Variants in ENO4 observed in about 807,000 individuals in gnomAD.
The protein encoded by ENO4 is enolase 4.
Under a neutral mutation model 63.2 loss-of-function variants are expected in ENO4, and 53 were observed. The observed-to-expected ratio is 0.84, with a 90% CI of 0.67 to 1.05. The LOEUF (loss-of-function observed/expected upper bound fraction) is 1.05, where lower values mean the gene tolerates loss of function less well. Among genes scored for constraint, ENO4 ranks in the 50% least tolerant of loss-of-function variants. The pLI is 0.00. For synonymous variants in ENO4, 266 were observed against 283.8 expected, an observed-to-expected ratio of 0.94 and a Z score of 0.63; for missense variants, 719 against 772.0, an observed-to-expected ratio of 0.93 and a Z score of 0.81.
intron 5 of ENO4, 46 bp from the exon 6 acceptor site, chr10:116,861,013 G>C: frequency 6.5e-7 from 1 of 1,529,140 alleles, no homozygotes; most frequent in Non-Finnish European, 8.8e-7. Flanking sequence ...ATCTCAATAT[G>C]GATGAACCCT....
Position 116,871,207 on chromosome 10 carries a change from A to C in ENO4, c.1130A>C (p.Gln377Pro), listed in dbSNP as rs538446997. ...DSIEQPLLLI[Q>P]EICANLGLEL... is the part of the protein sequence containing the mutation. ...ATAGAACAGCCACTGCTTCTAATACAGGAAATCTGTGCCAACCTGGGGCTA... is the reference window on the plus strand; with the variant it reads ...ATAGAACAGCCACTGCTTCTAATACCGGAAATCTGTGCCAACCTGGGGCTA... Residue 377 changes from glutamine to proline, a missense_variant, in exon 9 of 14, where the codon CAG becomes CCG. By Grantham distance (76) the Gln-to-Pro change is moderately conservative. This residue lies in a region of ENO4 where 544 missense variants were observed against 583.6 expected (regional missense o/e 0.93). Transcript: ENST00000341276. 3 of 1,550,544 alleles carry C rather than the reference A, an allele frequency of 1.9e-6. No individual in the cohort carries two copies. The highest frequency in any genetic ancestry group is 2.7e-5 in the African/African-American group (2 of 73,164).
intron 10 of ENO4, among the ~76,000 whole-genome samples, chr10:116,904,899 G>C (rs933831188): frequency 6.6e-6 from 1 of 152,168 alleles, no homozygotes; most frequent in Non-Finnish European, 1.5e-5. Context: ...CATCAACAAA[G>C]TCCTTAAAAA....
downstream of ENO4, chr10:116,886,499 C>T: frequency 6.2e-7 from 1 of 1,614,150 alleles, no homozygotes; most frequent in Non-Finnish European, 8.5e-7. Flanking sequence ...GGATCTAAAA[C>T]TACAACTGGT....
intron 1 of ENO4, among the ~76,000 whole-genome samples, chr10:116,851,664 C>T (rs777769192): frequency 1.8e-4 from 27 of 152,170 alleles, no homozygotes; most frequent in Non-Finnish European, 3.2e-4. Context: ...TCCTCAGAAC[C>T]TCCTGTGGCT....
chr10:116,886,751 T>C (rs1022814739), downstream of ENO4, among the ~76,000 whole-genome samples: 6 of 152,174 alleles, frequency 3.9e-5, no homozygotes, highest in African/African-American at 1.4e-4. Context: ...ACACAGCTGA[T>C]ACTAGGAGCA....
chr10:116,880,872 AG>A, intron 13 of ENO4, among the ~76,000 whole-genome samples: 1 of 152,302 alleles, frequency 6.6e-6, no homozygotes, highest in South Asian at 2.1e-4. Flanking sequence ...CGTTACCACG[AG>A]GGAAACAGCT....
In ENO4 at chr10:116,861,189, A is replaced by T; in HGVS notation, c.935A>T (p.Gln312Leu). The T allele has an allele frequency of 2.8e-6, 4 of 1,413,246 alleles. No individual in the cohort carries two copies. The highest frequency in any genetic ancestry group is 3.8e-6 in the Non-Finnish European group (4 of 1,065,532). 87.5% of individuals were successfully genotyped at this position (1,413,246 alleles called of 1,614,324 possible). The change falls in exon 6 of 14, where the codon CAA (glutamine) becomes CTA (leucine). Residue 312 changes from glutamine to leucine, a missense_variant and splice_region_variant. Coordinates refer to ENST00000341276, the MANE Select transcript of ENO4 (RefSeq NM_001242699.2). The stretch of plus-strand genomic sequence containing the variant: ...CCCCATCCTGAATTAACAACCAAAC[A>T]AGTACCTTACATTATCTTAAATTAC... ...CIPHPELTTKQGVEMLMEMQK... is the reference protein window; with the variant it reads ...CIPHPELTTKLGVEMLMEMQK...
At chr10:116,854,429 G>T (rs1042637384) in intron 1 of ENO4, among the ~76,000 whole-genome samples, 3 of 151,870 alleles carry the variant, frequency 2.0e-5, no homozygotes, top group African/African-American at 7.3e-5. Context: ...CCGTTTTGGT[G>T]CACGCCTGTA....
At chr10:116,875,873 T>C (rs1379316037) in intron 10 of ENO4, among the ~76,000 whole-genome samples, 192 bp from the exon 11 acceptor site, 1 of 152,240 alleles carries the variant, frequency 6.6e-6, no homozygotes, top group Non-Finnish European at 1.5e-5. Flanking sequence ...AAATTCACTA[T>C]TAGTTTCTGT....
chr10:116,903,529 C>CA lies in ENO4; in HGVS notation c.1195-7960dup, dbSNP rs546663085. ...GACAAGAGAGACTTCATCTCAGAGA[C>CA]AAAAAAAAAAGGCCTTTTCCTCCCA... On this transcript the variant is annotated intron_variant, in intron 10 of 10. Transcript: ENST00000369207. 3.6e-3 allele frequency among the ~76,000 whole-genome samples: 510 copies of CA among 141,536 alleles called. 6 individuals are homozygous for CA. The highest frequency in any genetic ancestry group is 3.8e-3 in the Non-Finnish European group (247 of 64,518). The allele number at this position is 141,536 out of a possible 152,430, so 92.9% of individuals were successfully genotyped here.
intron 10 of ENO4, among the ~76,000 whole-genome samples, chr10:116,891,703 T>C (rs543103619): frequency 6.6e-6 from 1 of 152,286 alleles, no homozygotes; most frequent in South Asian, 2.1e-4. Context: ...GGAAACCCTA[T>C]TTTTCAGGAG....
intron 13 of ENO4, among the ~76,000 whole-genome samples, chr10:116,880,193 CCT>C (rs1396824061): frequency 6.6e-6 from 1 of 152,136 alleles, no homozygotes; most frequent in African/African-American, 2.4e-5. Context: ...AAACTCTCGC[CCT>C]TTTTCTTGAT....
rs1275049083 is a variant in ENO4, at chr10:116,876,084, G to A, written c.1361G>A (p.Ser454Asn). 3 of 1,547,620 alleles carry A rather than the reference G, an allele frequency of 1.9e-6. No individual in the cohort carries two copies. Among genetic ancestry groups the A allele is most frequent in the Admixed American group, 4.0e-5 (2 of 50,444 alleles). The change falls in exon 11 of 14, where the codon AGC becomes AAC. Residue 454 changes from serine to asparagine, a missense_variant. Transcript: ENST00000341276. ...ACCCAGGACTCTGAACAGTGGGACA[G>A]CATCTATCACGCACTTGGTTCCAGG... ...FRKEDSEQWDSIYHALGSRCY... is the reference protein window; with the variant it reads ...FRKEDSEQWDNIYHALGSRCY...
chr10:116,894,017 A>G (rs1366881595), intron 10 of ENO4, among the ~76,000 whole-genome samples: 1 of 152,026 alleles, frequency 6.6e-6, no homozygotes. Flanking sequence ...GAATGAAGAG[A>G]CCAGTTAGAG....
chr10:116,880,191 GC>G (rs1846965481), intron 13 of ENO4, among the ~76,000 whole-genome samples: 1 of 152,014 alleles, frequency 6.6e-6, no homozygotes, highest in Admixed American at 6.6e-5. Flanking sequence ...TAAAACTCTC[GC>G]CCTTTTTCTT....
At chr10:116,885,868 C>A (rs1847148369), downstream of ENO4, 1 of 160,218 alleles carries the variant, frequency 6.2e-6, no homozygotes, top group African/African-American at 2.4e-5. Flanking sequence ...GCCACAGTAC[C>A]CAACAATTTC....
At chr10:116,895,582 G>C (rs1000877891) in intron 10 of ENO4, among the ~76,000 whole-genome samples, 5 of 152,318 alleles carry the variant, frequency 3.3e-5, no homozygotes, top group African/African-American at 1.2e-4. Flanking sequence ...CTATGAGTAT[G>C]CAGGGTCTAA....
chr10:116,849,821 C>G, intron 1 of ENO4, 90 bp downstream of exon 1: 2 of 1,375,366 alleles, frequency 1.5e-6, no homozygotes, highest in South Asian at 1.4e-5. Context: ...GCCTGCGCCT[C>G]AGAATCTCGC....
At chr10:116,873,046 A>G (rs1846739451) in intron 9 of ENO4, among the ~76,000 whole-genome samples, 1 of 152,230 alleles carries the variant, frequency 6.6e-6, no homozygotes, top group South Asian at 2.1e-4. Flanking sequence ...TGCTAGTGCT[A>G]ACTAGAATGG....
Sources: allele counts gnomAD v4.1 joint callset (sites outside exome capture counted in the v4.1 genomes callset), GRCh38; gene constraint gnomAD v4.1.1; regional missense constraint gnomAD v4.1.1; transcripts MANE v1.5; gene names NCBI Gene and HGNC (gene_info 2026-07-23, HGNC 2026-07-21).